CHRM3: variants seen among roughly 807,000 people sequenced by gnomAD.
The protein encoded by CHRM3 is cholinergic receptor muscarinic 3, also known as muscarinic acetylcholine receptor M3.
CHRM3 carries 11 observed loss-of-function variants against 41.8 expected under a neutral mutation model. The ratio of observed to expected loss-of-function variants is 0.26; its 90% confidence interval spans 0.17 to 0.44. The LOEUF (loss-of-function observed/expected upper bound fraction) is 0.44. CHRM3 is among the 20% of genes least tolerant of loss of function. CHRM3 has a pLI of 1.00. For missense variants in CHRM3, 571 were observed against 745.4 expected (o/e 0.77, Z 2.72); for synonymous variants, 297 against 301.4 (o/e 0.99, Z 0.15).
At chr1:239,560,447 C>T (rs932325716) in intron 3 of CHRM3, among the ~76,000 whole-genome samples, 2 of 152,174 alleles carry the variant, frequency 1.3e-5, no homozygotes, top group East Asian at 3.9e-4. Context: ...TATTTTTATA[C>T]TTTAGACTTA....
At chr1:239,712,000 T>A (rs1558477417) in intron 5 of CHRM3, among the ~76,000 whole-genome samples, 1 of 152,168 alleles carries the variant, frequency 6.6e-6, no homozygotes, top group African/African-American at 2.4e-5. Flanking sequence ...CAGGCTTAGA[T>A]GCCTTTTGAT....
At chr1:239,572,209 C>T (rs1398102524) in intron 3 of CHRM3, among the ~76,000 whole-genome samples, 2 of 152,138 alleles carry the variant, frequency 1.3e-5, no homozygotes, top group African/African-American at 4.8e-5. Context: ...GGAGATATTC[C>T]TCTACCCATG....
chr1:239,697,384 C>T (rs955717357), intron 5 of CHRM3, among the ~76,000 whole-genome samples: 3 of 152,284 alleles, frequency 2.0e-5, no homozygotes, highest in Non-Finnish European at 4.4e-5. Flanking sequence ...GTGAGGCTTC[C>T]CCAACTACGT....
At chr1:239,660,392 C>T (rs1449611640) in intron 4 of CHRM3, among the ~76,000 whole-genome samples, 1 of 152,002 alleles carries the variant, frequency 6.6e-6, no homozygotes, top group African/African-American at 2.4e-5. Flanking sequence ...CAACTTTCTT[C>T]TTCCCTACAC....
chr1:239,772,393 C>T (rs750504356), intron 5 of CHRM3, among the ~76,000 whole-genome samples: 5 of 152,234 alleles, frequency 3.3e-5, no homozygotes, highest in African/African-American at 9.6e-5. Context: ...TCAGGTGATC[C>T]GGCCACCTCG....
chr1:239,715,572 C>T (rs968835854), intron 5 of CHRM3, among the ~76,000 whole-genome samples: 1 of 151,948 alleles, frequency 6.6e-6, no homozygotes, highest in African/African-American at 2.4e-5. Flanking sequence ...CAGTGCACCA[C>T]CACATAGAAA....
In CHRM3 at chr1:239,908,690, C is replaced by G. The variant is rs1426870767; in HGVS notation, c.1239C>G (p.Ser413Arg). ...RKADKLQAQKSVDDGGSFPKS... is the reference protein window; with the variant it reads ...RKADKLQAQKRVDDGGSFPKS... ...CCGACAAGCTGCAGGCCCAGAAGAG[C>G]GTGGACGATGGAGGCAGTTTTCCAA... The change falls in exon 7 of 7, where the codon AGC (serine) becomes AGG (arginine). Residue 413 changes from serine (S) to arginine (R), a missense_variant. Coordinates refer to ENST00000676153, the MANE Select transcript of CHRM3 (RefSeq NM_001375978.1). This position sits in a 1 kb window ranked among gnomAD's most constrained non-coding sequence, Gnocchi z 7.2. 1.2e-6 allele frequency: 2 copies of G among 1,612,892 alleles called. No homozygotes were observed. Among genetic ancestry groups the G allele is most frequent in the Non-Finnish European group, 1.7e-6 (2 of 1,179,494 alleles).
intron 1 of CHRM3, among the ~76,000 whole-genome samples, chr1:239,488,988 T>G (rs993156361): frequency 1.3e-5 from 2 of 152,190 alleles, no homozygotes; most frequent in Admixed American, 6.5e-5. Flanking sequence ...TGTCCATATA[T>G]TTTCAGCTAT....
chr1:239,907,524 T>C lies in CHRM3; in HGVS notation c.73T>C (p.Ser25Pro). ...CAGCTCCTCCTGGATACACAGCCCCTCCGATGCAGGGCTGCCCCCGGGAAC... is the reference window on the plus strand; with the variant it reads ...CAGCTCCTCCTGGATACACAGCCCCCCCGATGCAGGGCTGCCCCCGGGAAC... ...NISSSWIHSP[S>P]DAGLPPGTVT... Residue 25 changes from serine (S) to proline (P), a missense_variant, in exon 7 of 7, where the codon TCC (serine) becomes CCC (proline). Coordinates refer to ENST00000676153, the MANE Select transcript of CHRM3 (RefSeq NM_001375978.1). This position sits in a 1 kb window ranked among gnomAD's most constrained non-coding sequence, Gnocchi z 5.4. 1 of 1,614,004 alleles carries C rather than the reference T, an allele frequency of 6.2e-7. No individual in the cohort carries two copies. Among genetic ancestry groups the C allele is most frequent in the South Asian group, 1.1e-5 (1 of 91,072 alleles).
At chr1:239,715,440 G>A (rs1662245156) in intron 5 of CHRM3, among the ~76,000 whole-genome samples, 1 of 152,148 alleles carries the variant, frequency 6.6e-6, no homozygotes, top group Non-Finnish European at 1.5e-5. Flanking sequence ...TATTACAGAT[G>A]ACCATGGCGT....
intron 1 of CHRM3, among the ~76,000 whole-genome samples, chr1:239,465,532 G>A (rs1395762529): frequency 6.6e-6 from 1 of 152,104 alleles, no homozygotes; most frequent in Non-Finnish European, 1.5e-5. Flanking sequence ...GTTGGCAGTG[G>A]TTTGCTCTTT....
At chr1:239,867,766 T>C (rs1237306668) in intron 6 of CHRM3, among the ~76,000 whole-genome samples, 1 of 151,920 alleles carries the variant, frequency 6.6e-6, no homozygotes, top group Non-Finnish European at 1.5e-5. Context: ...CAAGGTATTC[T>C]TATAGCTCTG....
At position 239,597,545 on chromosome 1, in the gene CHRM3, C is replaced by T. The variant is rs1257326969; in HGVS notation, c.-312-34679C>T. Among the ~76,000 whole-genome samples, 4 of 151,938 alleles carry T rather than the reference C, an allele frequency of 2.6e-5. No homozygotes were observed. In the East Asian group the frequency reaches 7.7e-4, roughly 29 times the overall value. On this transcript the variant is annotated intron_variant, in intron 3 of 6. Coordinates refer to ENST00000676153, the MANE Select transcript of CHRM3 (RefSeq NM_001375978.1). ...CCTCATGAATTGTTTCTAATTATAT[C>T]CTTTTATTTGTTCTTTTGTCTCTTC...
chr1:239,635,565 T>G (rs548186963), intron 4 of CHRM3, among the ~76,000 whole-genome samples: 5 of 152,318 alleles, frequency 3.3e-5, no homozygotes, highest in African/African-American at 1.2e-4. Context: ...ACCACTGTCC[T>G]GGACACCCAG....
chr1:239,402,627 A>G (rs1660075098), intron 1 of CHRM3, among the ~76,000 whole-genome samples: 1 of 152,042 alleles, frequency 6.6e-6, no homozygotes, highest in Non-Finnish European at 1.5e-5. Flanking sequence ...CACACTTCCA[A>G]ATTTATTCTC....
chr1:239,554,845 T>C (rs372769026), intron 3 of CHRM3, among the ~76,000 whole-genome samples: 1 of 150,640 alleles, frequency 6.6e-6, no homozygotes, highest in Non-Finnish European at 1.5e-5. Context: ...TTCTCCTGCC[T>C]CAGCCTCCCG....
In CHRM3 at chr1:239,816,823, C is replaced by T. The variant is rs536770198; in HGVS notation, c.-146-10429C>T. On this transcript the variant is annotated intron_variant, in intron 5 of 6. Transcript: ENST00000676153. ...TCAGCTCACTGCAACCTCCACCTCC[C>T]GGGTTCAAGCAATTCTCCTGCCTCA... Among the ~76,000 whole-genome samples the T allele has an allele frequency of 9.0e-4, 137 of 151,746 alleles. 1 individual carries two copies. Among genetic ancestry groups the T allele is most frequent in the Non-Finnish European group, 1.6e-3 (107 of 67,940 alleles).
intron 4 of CHRM3, among the ~76,000 whole-genome samples, chr1:239,639,333 G>C (rs1438502955): frequency 6.6e-6 from 1 of 152,156 alleles, no homozygotes; most frequent in Non-Finnish European, 1.5e-5. Flanking sequence ...GGATGGCATT[G>C]AATCTATAAA....
At chr1:239,699,395 A>G (rs1475870064) in intron 5 of CHRM3, among the ~76,000 whole-genome samples, 2 of 152,112 alleles carry the variant, frequency 1.3e-5, no homozygotes, top group East Asian at 3.9e-4. Context: ...AGAGATAGCT[A>G]TCTCTCTTTG....
Sources: allele counts gnomAD v4.1 joint callset (sites outside exome capture counted in the v4.1 genomes callset), GRCh38; gene constraint gnomAD v4.1.1; non-coding constraint Gnocchi (gnomAD v3.1); transcripts MANE v1.5; gene names NCBI Gene and HGNC (gene_info 2026-07-23, HGNC 2026-07-21).